The following CCAR1 variants were observed in gnomAD, a reference collection of about 807,000 sequenced individuals.
CCAR1 encodes cell division cycle and apoptosis regulator 1.
A neutral mutation model predicts 163.8 loss-of-function variants in CCAR1; 78 were observed. The ratio of observed to expected loss-of-function variants is 0.48; its 90% CI spans 0.40 to 0.57. The LOEUF is 0.57. Ranked by LOEUF, CCAR1 falls within the 20% of genes least tolerant of loss-of-function variation. The pLI, the probability that CCAR1 is intolerant of heterozygous loss-of-function variation, is 0.00. For synonymous variants in CCAR1, 443 were observed against 460.7 expected, an observed-to-expected ratio of 0.96 and a Z score of 0.49; for missense variants, 1,019 against 1,365.2, an observed-to-expected ratio of 0.75 and a Z score of 4.00.
In CCAR1 at chr10:68,760,997, A is replaced by G. The variant is rs1589174711; in HGVS notation, c.1921-10A>G. 6 of 1,213,288 alleles carry G rather than the reference A, an allele frequency of 4.9e-6. No individual in the cohort carries two copies. The highest frequency in any genetic ancestry group is 4.2e-6 in the Non-Finnish European group (4 of 955,848). 75.2% of individuals were successfully genotyped at this position (1,213,288 alleles called of 1,614,324 possible). On this transcript the variant is annotated splice_polypyrimidine_tract_variant and intron_variant, in intron 15 of 24. Coordinates refer to ENST00000265872, the MANE Select transcript of CCAR1 (RefSeq NM_018237.4). The stretch of plus-strand genomic sequence containing the variant: ...TTTTTTTTCCGTGTTTTTCTGCTCC[A>G]TATATTCAGGTAAATGACCTCCGAA...
At chr10:68,724,831 C>T (rs967851006) in intron 2 of CCAR1, among the ~76,000 whole-genome samples, 1 of 151,946 alleles carries the variant, frequency 6.6e-6, no homozygotes, top group African/African-American at 2.4e-5. Flanking sequence ...AGTTACTAGA[C>T]AAAGGAAAAA....
intron 19 of CCAR1, among the ~76,000 whole-genome samples, chr10:68,773,794 C>G (rs2133404126): frequency 6.6e-6 from 1 of 152,300 alleles, no homozygotes; most frequent in Admixed American, 6.5e-5. Context: ...TCACTGCAGC[C>G]TCAGCCTGCC....
Position 68,756,192 on chromosome 10 carries a change from C to T in CCAR1, c.1626-81C>T, listed in dbSNP as rs928578099. 9.0e-7 allele frequency: 1 copy of T among 1,112,480 alleles called. No homozygotes were observed. Among genetic ancestry groups the T allele is most frequent in the Non-Finnish European group, 1.3e-6 (1 of 771,116 alleles). 68.9% of individuals were successfully genotyped at this position (1,112,480 alleles called of 1,614,324 possible). On this transcript the variant is annotated intron_variant, in intron 13 of 24. Transcript: ENST00000265872. The surrounding 1 kb of genome is among the most constrained non-coding windows in gnomAD (Gnocchi z 5.1). The stretch of plus-strand genomic sequence containing the variant: ...AAGTTCTTGCAGCAAAATTTCTTTA[C>T]TTGATGTGCTACAAGTGAACTAGGG...
chr10:68,782,190 A>G (rs1394527188), intron 19 of CCAR1, among the ~76,000 whole-genome samples: 1 of 152,198 alleles, frequency 6.6e-6, no homozygotes, highest in Non-Finnish European at 1.5e-5. Context: ...ACTCTCTTCA[A>G]TTCTATAAAG....
At chr10:68,770,372 A>G (rs925839189) in intron 17 of CCAR1, among the ~76,000 whole-genome samples, 1 of 152,196 alleles carries the variant, frequency 6.6e-6, no homozygotes, top group Non-Finnish European at 1.5e-5. Context: ...TAATGCCTAA[A>G]ACAGGCCCTG....
intron 14 of CCAR1, 38 bp from the exon 15 acceptor site, chr10:68,757,256 T>G (rs2056406326): frequency 9.9e-7 from 1 of 1,009,980 alleles, no homozygotes. Context: ...ATTTTAAGGT[T>G]TCATAATAGT....
At chr10:68,739,119 C>T (rs1211350005) in intron 4 of CCAR1, among the ~76,000 whole-genome samples, 1 of 152,144 alleles carries the variant, frequency 6.6e-6, no homozygotes, top group Non-Finnish European at 1.5e-5. Context: ...TACAGATATG[C>T]TTTAGTCTAA....
At chr10:68,771,005 G>A (rs557390395) in intron 17 of CCAR1, among the ~76,000 whole-genome samples, 1 of 152,236 alleles carries the variant, frequency 6.6e-6, no homozygotes, top group East Asian at 1.9e-4. Flanking sequence ...GTGAACCCGG[G>A]AGGTGGAGCT....
intron 6 of CCAR1, 45 bp downstream of exon 6, chr10:68,742,614 C>A: frequency 7.0e-7 from 1 of 1,425,294 alleles, no homozygotes; most frequent in Non-Finnish European, 9.8e-7. Context: ...GCATTTACCA[C>A]AAAACACCTG....
intron 13 of CCAR1, 82 bp downstream of exon 13, chr10:68,755,618 CG>C: frequency 8.0e-7 from 1 of 1,256,272 alleles, no homozygotes; most frequent in South Asian, 1.8e-5. Context: ...CTTTTCCCCC[CG>C]GCTTATTTTA....
Position 68,791,446 on chromosome 10 carries a change from A to G in CCAR1, c.*180A>G. 2.3e-6 allele frequency: 1 copy of G among 444,268 alleles called. No individual in the cohort carries two copies. The allele number at this position is 444,268 out of a possible 1,614,324, so 27.5% of individuals were successfully genotyped here. A position where few individuals can be genotyped will look rare whatever the true frequency, so the allele number is the denominator to read the frequency against. On this transcript the variant is annotated 3_prime_UTR_variant, in exon 25 of 25. Transcript: ENST00000265872. ...CTTTTGAAAATTGCTTGTAATTCCT[A>G]GCCTTCAAATTATTAAACACTCCTT...
chr10:68,728,710 C>G (rs1280482884), intron 2 of CCAR1, among the ~76,000 whole-genome samples: 4 of 152,168 alleles, frequency 2.6e-5, no homozygotes, highest in Non-Finnish European at 2.9e-5. Flanking sequence ...AATCCCAGCA[C>G]TTTGAGAGAC....
At chr10:68,760,199 G>A (rs574926759) in intron 15 of CCAR1, among the ~76,000 whole-genome samples, 22 of 152,024 alleles carry the variant, frequency 1.4e-4, no homozygotes, top group African/African-American at 2.4e-4. Context: ...CTGTCGCCGC[G>A]GCTGGAGTGC....
At chr10:68,780,779 C>A (rs1361062778) in intron 19 of CCAR1, among the ~76,000 whole-genome samples, 1 of 152,118 alleles carries the variant, frequency 6.6e-6, no homozygotes, top group Admixed American at 6.6e-5. Flanking sequence ...TTTGATAATA[C>A]TATTATACAT....
intron 1 of CCAR1, chr10:68,721,546 C>G (rs1029386177): frequency 4.5e-6 from 2 of 448,320 alleles, no homozygotes; most frequent in African/African-American, 2.1e-5. Context: ...CATGGCGACG[C>G]TGCAGTCCGC....
rs1384546520 is a variant in CCAR1 at position 68,756,553 on chromosome 10, C to T, written c.1836+70C>T. Reference sequence around the variant, plus strand: ...ACAGGAACACAGGCACAAATGCACACCACACACTACATAATAAACACACAT... The same window carrying T: ...ACAGGAACACAGGCACAAATGCACATCACACACTACATAATAAACACACAT... On this transcript the variant is annotated intron_variant, in intron 14 of 24. Transcript: ENST00000265872. The surrounding 1 kb of genome is among the most constrained non-coding windows in gnomAD (Gnocchi z 5.1). The T allele has an allele frequency of 1.7e-6, 2 of 1,161,180 alleles. No homozygotes were observed. Among genetic ancestry groups the T allele is most frequent in the East Asian group, 2.5e-5 (1 of 39,222 alleles). 71.9% of individuals were successfully genotyped at this position (1,161,180 alleles called of 1,614,324 possible).
In CCAR1 at chr10:68,738,817, C is replaced by T. The variant is rs963495594; in HGVS notation, c.291+928C>T. On this transcript the variant is annotated intron_variant, in intron 4 of 24. Coordinates refer to ENST00000265872, the MANE Select transcript of CCAR1 (RefSeq NM_018237.4). ...ATCCAAGCACTTTGGGAGGCCAAGG[C>T]GGGCGGATCACTTGAGGTCAGGAGT... Among the ~76,000 whole-genome samples, 6 of 152,034 alleles carry T rather than the reference C, an allele frequency of 3.9e-5. No homozygotes were observed. The South Asian group carries it at 6.2e-4, about 16-fold the overall frequency.
Position 68,749,228 on chromosome 10 carries a change from A to G in CCAR1, c.919A>G (p.Arg307Gly). 1.2e-6 allele frequency: 2 copies of G among 1,613,084 alleles called. No homozygotes were observed. Among genetic ancestry groups the G allele is most frequent in the Non-Finnish European group, 1.7e-6 (2 of 1,179,792 alleles). ...PPSRFSGRND[R>G]GDQVPNRKDD... is the part of the protein sequence containing the mutation. ...ATCCCGATTTTCAGGAAGAAATGACAGAGGGGATCAAGTGCCTAACAGAAA... is the reference window on the plus strand; with the variant it reads ...ATCCCGATTTTCAGGAAGAAATGACGGAGGGGATCAAGTGCCTAACAGAAA... The change falls in exon 9 of 25, where the codon AGA becomes GGA. Residue 307 changes from arginine (R) to glycine (G), a missense_variant. Arg to Gly is a moderately radical substitution (Grantham distance 125). Coordinates refer to ENST00000265872, the MANE Select transcript of CCAR1 (RefSeq NM_018237.4).
chr10:68,773,274 CAT>C (rs1297035666), intron 19 of CCAR1, among the ~76,000 whole-genome samples, 175 bp downstream of exon 19: 2 of 152,036 alleles, frequency 1.3e-5, no homozygotes, highest in East Asian at 3.8e-4. Flanking sequence ...TGTTTGAAGA[CAT>C]ATTTATTACT....
Sources: gnomAD v4.1 joint callset for allele counts (sites outside exome capture counted in the v4.1 genomes callset) on GRCh38, gnomAD v4.1.1 for gene constraint, Gnocchi (gnomAD v3.1) non-coding constraint, MANE v1.5 for transcripts, NCBI Gene and HGNC (gene_info 2026-07-23, HGNC 2026-07-21) for gene names.